Variants in LPIN2 observed in about 807,000 individuals in gnomAD.
LPIN2 encodes phosphatidate phosphatase LPIN2.
In LPIN2, 55 loss-of-function variants were observed where a neutral mutation model predicts 111.4. The observed-to-expected ratio is 0.49, with a 90% CI of 0.40 to 0.62. The LOEUF (loss-of-function observed/expected upper bound fraction) is 0.62, where lower values mean the gene tolerates loss of function less well. Among genes scored for constraint, LPIN2 ranks in the 20% least tolerant of loss-of-function variants. The probability of loss-of-function intolerance (pLI) is 0.00; values close to 1 mark genes in which losing one functional copy is unlikely to be tolerated. For missense variants in LPIN2, 992 were observed against 1,112.1 expected, an observed-to-expected ratio of 0.89 and a Z score of 1.54; for synonymous variants, 425 against 414.0, an observed-to-expected ratio of 1.03 and a Z score of -0.32.
intron 1 of LPIN2, among the ~76,000 whole-genome samples, chr18:3,003,883 TA>T (rs1215248105): frequency 3.9e-5 from 6 of 152,188 alleles, no homozygotes; most frequent in Non-Finnish European, 8.8e-5. Context: ...AGAGAGCCTA[TA>T]AATGAACGTG....
intron 1 of LPIN2, among the ~76,000 whole-genome samples, chr18:2,974,187 C>T (rs2077969777): frequency 1.3e-5 from 2 of 152,206 alleles, no homozygotes; most frequent in Admixed American, 6.5e-5. Context: ...CACCATTCTC[C>T]TTCCTCAGCC....
At chr18:2,921,097 A>C in intron 18 of LPIN2, 1 of 613,614 alleles carries the variant, frequency 1.6e-6, no homozygotes, top group East Asian at 2.8e-5. Context: ...ACCAAGGGGA[A>C]GCCAGGGTCC....
chr18:2,953,890 C>T (rs1403005165), intron 3 of LPIN2, among the ~76,000 whole-genome samples: 4 of 152,148 alleles, frequency 2.6e-5, no homozygotes, highest in South Asian at 2.1e-4. Flanking sequence ...AAGAATCCGT[C>T]GTTAACTAGC....
intron 1 of LPIN2, among the ~76,000 whole-genome samples, chr18:3,005,347 G>A (rs529067562): frequency 4.7e-5 from 7 of 148,922 alleles, no homozygotes; most frequent in South Asian, 4.2e-4. Context: ...GCAAGACTCC[G>A]TCTCAAAAAA....
Position 2,917,408 on chromosome 18 carries a change from T to C in LPIN2, c.*2885A>G, listed in dbSNP as rs1387752005. 2.0e-5 allele frequency: 3 copies of C among 152,192 alleles called. No homozygotes were observed. The highest frequency in any genetic ancestry group is 4.4e-5 in the Non-Finnish European group (3 of 68,038). The allele number at this position is 152,192 out of a possible 1,614,324, so 9.4% of individuals were successfully genotyped here. On this transcript the variant is annotated 3_prime_UTR_variant, in exon 20 of 20. Transcript: ENST00000677752. ...GCCAACTTGTAAAAAGTGAAAGAGC[T>C]GACTTCCTTGTTTATTCTTTAAAGG... is the stretch of plus-strand genomic sequence containing the variant.
intron 1 of LPIN2, among the ~76,000 whole-genome samples, chr18:3,010,702 G>C (rs1292532490): frequency 6.6e-6 from 1 of 152,064 alleles, no homozygotes; most frequent in Non-Finnish European, 1.5e-5. Context: ...AAGCACCTAC[G>C]GGAGATAACC....
chr18:2,920,367 GAA>G lies in LPIN2; in HGVS notation c.2615_2616del (p.Phe872SerfsTer17). 1 of 1,614,150 alleles carries G rather than the reference GAA, an allele frequency of 6.2e-7. No homozygotes were observed. The highest frequency in any genetic ancestry group is 1.1e-5 in the South Asian group (1 of 91,086). On this transcript the variant is annotated frameshift_variant, in exon 20 of 20. Coordinates refer to ENST00000677752, the MANE Select transcript of LPIN2 (RefSeq NM_001375808.2). LOFTEE classifies it high-confidence loss of function. ...PLLSKEQNSA[F>X]PCPEFSSFCY... The stretch of plus-strand genomic sequence containing the variant: ...CAGAAGGAGCTGAACTCCGGGCAGG[GAA>G]AAGCGGAATTCTGCTCCTTACTGAG...
intron 18 of LPIN2, 116 bp downstream of exon 18, chr18:2,921,417 A>G: frequency 1.3e-6 from 1 of 792,548 alleles, no homozygotes; most frequent in Non-Finnish European, 2.2e-6. Flanking sequence ...CAAGCAGAAC[A>G]GATGCCTCAT....
At position 2,925,033 on chromosome 18, in the gene LPIN2, C is replaced by T. The variant is rs556584345; in HGVS notation, c.1938+191G>A. Reference sequence around the variant, plus strand: ...CTGGGGTGGGTGGCAGGACCCAAGCCACAGGTTCCCCAGGTGGGCCTGATA... The same window carrying T: ...CTGGGGTGGGTGGCAGGACCCAAGCTACAGGTTCCCCAGGTGGGCCTGATA... On this transcript the variant is annotated intron_variant, in intron 14 of 19. Coordinates refer to ENST00000677752, the MANE Select transcript of LPIN2 (RefSeq NM_001375808.2). This position sits in a 1 kb window ranked among gnomAD's most constrained non-coding sequence, Gnocchi z 4.1. 4.1e-4 allele frequency among the ~76,000 whole-genome samples: 63 copies of T among 152,214 alleles called. No individual in the cohort carries two copies. Among genetic ancestry groups the T allele is most frequent in the African/African-American group, 1.4e-3 (57 of 41,558 alleles).
intron 1 of LPIN2, among the ~76,000 whole-genome samples, chr18:2,961,474 T>C (rs921858728): frequency 2.6e-5 from 4 of 152,152 alleles, no homozygotes. Context: ...TCAATATAAC[T>C]AACTGGAACA....
At chr18:2,961,548 A>G (rs934724901) in intron 1 of LPIN2, among the ~76,000 whole-genome samples, 5 of 152,134 alleles carry the variant, frequency 3.3e-5, no homozygotes, top group African/African-American at 7.2e-5. Context: ...CTCAACCTCA[A>G]TTCACTATTC....
intron 4 of LPIN2, among the ~76,000 whole-genome samples, chr18:2,943,390 C>T (rs1486711597): frequency 6.6e-6 from 1 of 151,728 alleles, no homozygotes; most frequent in Admixed American, 6.6e-5. Flanking sequence ...AAAGGAAATA[C>T]CATGGTCACT....
intron 1 of LPIN2, among the ~76,000 whole-genome samples, chr18:2,971,175 C>T (rs2077902694): frequency 6.6e-6 from 1 of 152,134 alleles, no homozygotes; most frequent in African/African-American, 2.4e-5. Flanking sequence ...ATTTTCTGGA[C>T]AATTCTTCAA....
Position 2,937,919 on chromosome 18 carries a change from T to A in LPIN2, c.941A>T (p.Asp314Val). The A allele has an allele frequency of 6.2e-7, 1 of 1,614,156 alleles. No individual in the cohort carries two copies. The highest frequency in any genetic ancestry group is 2.2e-5 in the East Asian group (1 of 44,874). Residue 314 changes from aspartate (D) to valine (V), a missense_variant, in exon 7 of 20, where the codon GAT becomes GTT. Asp to Val is a radical substitution (Grantham distance 152). This residue lies in a region of LPIN2 where 709 missense variants were observed against 753.2 expected (regional missense o/e 0.94). Transcript: ENST00000677752. ...ACAGACAGTGTCTTCCATGGAAGCA[T>A]CCTTCTCAACTTCACTGATGAGGTT... ...EDNLISEVEK[D>V]ASMEDTVCTI...
At chr18:2,941,631 C>T (rs1054954509) in intron 4 of LPIN2, among the ~76,000 whole-genome samples, 1 of 152,090 alleles carries the variant, frequency 6.6e-6, no homozygotes, top group African/African-American at 2.4e-5. Context: ...AAGAAAAGCA[C>T]AAAGAAAGAC....
intron 4 of LPIN2, chr18:2,946,517 T>A: frequency 1.3e-6 from 2 of 1,565,718 alleles, no homozygotes; most frequent in Non-Finnish European, 1.8e-6. Flanking sequence ...GCAGCTCCGG[T>A]TGTAGCACAG....
At position 2,954,587 on chromosome 18, in the gene LPIN2, T is replaced by G; in HGVS notation, c.205A>C (p.Ile69Leu). The part of the protein sequence containing the change: ...RSKEKVIDIE[I>L]NGSAVDLHMK... ...TGAAGATCCACTGCACTGCCGTTGATTTCTATATCAATCTATGGGAGAAAC... is the reference window on the plus strand; with the variant it reads ...TGAAGATCCACTGCACTGCCGTTGAGTTCTATATCAATCTATGGGAGAAAC... The change falls in exon 3 of 20, where the codon ATC becomes CTC. Residue 69 changes from isoleucine to leucine, a missense_variant. Physicochemically the swap from Ile to Leu is conservative, Grantham distance 5. Transcript: ENST00000677752. The G allele has an allele frequency of 6.2e-7, 1 of 1,610,616 alleles. No homozygotes were observed. The highest frequency in any genetic ancestry group is 8.5e-7 in the Non-Finnish European group (1 of 1,176,784).
At chr18:2,980,112 A>G (rs529607944) in intron 1 of LPIN2, among the ~76,000 whole-genome samples, 8 of 152,310 alleles carry the variant, frequency 5.3e-5, no homozygotes, top group South Asian at 4.1e-4. Context: ...GAGCTAAAAC[A>G]TGGCTTGAAA....
intron 1 of LPIN2, among the ~76,000 whole-genome samples, chr18:3,004,278 C>A (rs2078478089): frequency 2.0e-5 from 3 of 152,110 alleles, no homozygotes; most frequent in African/African-American, 7.2e-5. Context: ...TTCATACACC[C>A]CCTCCCCTTT....
Sources: allele counts gnomAD v4.1 joint callset (sites outside exome capture counted in the v4.1 genomes callset), GRCh38; gene constraint gnomAD v4.1.1; regional missense constraint gnomAD v4.1.1; non-coding constraint Gnocchi (gnomAD v3.1); transcripts MANE v1.5; gene names NCBI Gene and HGNC (gene_info 2026-07-23, HGNC 2026-07-21).